GANAB: variants seen among roughly 807,000 people sequenced by gnomAD.
The protein encoded by GANAB is glucosidase II alpha subunit.
GANAB carries 35 observed loss-of-function variants against 129.9 expected under a neutral mutation model. That is an observed-to-expected ratio of 0.27 (90% CI 0.21 to 0.36). The LOEUF (loss-of-function observed/expected upper bound fraction) is 0.36, where lower values mean the gene tolerates loss of function less well. GANAB is among the 10% of genes least tolerant of loss of function. GANAB has a pLI of 1.00. For missense variants in GANAB, 939 were observed against 1,221.0 expected, an observed-to-expected ratio of 0.77 and a Z score of 3.44; for synonymous variants, 482 against 451.8, an observed-to-expected ratio of 1.07 and a Z score of -0.85.
chr11:62,633,258 T>C lies in GANAB; in HGVS notation c.644A>G (p.Gln215Arg). The C allele has an allele frequency of 6.2e-7, 1 of 1,613,410 alleles. No individual in the cohort carries two copies. Among genetic ancestry groups the C allele is most frequent in the Non-Finnish European group, 8.5e-7 (1 of 1,179,372 alleles). ...PRDGDKPEET[Q>R]GKAEKDEPGA... The stretch of plus-strand genomic sequence containing the variant: ...TGGCTCATCTTTCTCTGCCTTCCCC[T>C]GAGTCTCCTCTGGCTGTTAAGAAGA... The change falls in exon 7 of 24, where the codon CAG becomes CGG. Residue 215 changes from glutamine (Q) to arginine (R), a missense_variant. Around this residue, in one of 5 missense-constraint regions of GANAB, gnomAD observed 321 missense variants for 329.1 expected, o/e 0.98. Transcript: ENST00000356638.
intron 4 of GANAB, among the ~76,000 whole-genome samples, chr11:62,635,848 T>G (rs746619025): frequency 6.6e-6 from 1 of 151,836 alleles, no homozygotes; most frequent in African/African-American, 2.4e-5. Context: ...CAGGCTAATC[T>G]CAAACTCCTG....
intron 8 of GANAB, 70 bp downstream of exon 8, chr11:62,632,935 C>T: frequency 3.9e-6 from 4 of 1,023,120 alleles, no homozygotes; most frequent in South Asian, 2.5e-5. Context: ...CCAATATGCA[C>T]ACCCATCTCC....
At chr11:62,631,505 C>T (rs1183718119) in intron 9 of GANAB, among the ~76,000 whole-genome samples, 4 of 151,286 alleles carry the variant, frequency 2.6e-5, no homozygotes, top group Admixed American at 2.6e-4. Context: ...ACTCTTTTGC[C>T]AGGCTGGAGT....
At chr11:62,627,608 T>C (rs1322703170) in intron 17 of GANAB, among the ~76,000 whole-genome samples, 1 of 152,114 alleles carries the variant, frequency 6.6e-6, no homozygotes, top group African/African-American at 2.4e-5. Flanking sequence ...GGCAGGCACC[T>C]GTGATCCCAG....
chr11:62,634,927 T>A lies in GANAB; in HGVS notation c.454A>T (p.Thr152Ser). 3 of 1,613,706 alleles carry A rather than the reference T, an allele frequency of 1.9e-6. No homozygotes were observed. The highest frequency in any genetic ancestry group is 2.5e-6 in the Non-Finnish European group (3 of 1,179,580). The change falls in exon 5 of 24, where the codon ACA (threonine) becomes TCA (serine). Residue 152 changes from threonine (T) to serine (S), a missense_variant. Thr to Ser is a moderately conservative substitution (Grantham distance 58, BLOSUM62 1). Coordinates refer to ENST00000356638, the MANE Select transcript of GANAB (RefSeq NM_198334.3). ...MAEGPYKIIL[T>S]ARPFRLDLLE... ...AGGTCAAGGCGGAATGGCCGTGCTG[T>A]CAAGATGATCTTGTAGGGTCCCTCA...
At position 62,634,160 on chromosome 11, in the gene GANAB, G is replaced by GT. The variant is rs908698411; in HGVS notation, c.561-647dup. Reference sequence around the variant, plus strand: ...CTTCTTCTGGGGGCTCCCAGCCAGGGTAACAGGTAACAGGACCAGACATCA... The same window carrying GT: ...CTTCTTCTGGGGGCTCCCAGCCAGGGTTAACAGGTAACAGGACCAGACATCA... On this transcript the variant is annotated intron_variant, in intron 5 of 23. Coordinates refer to ENST00000356638, the MANE Select transcript of GANAB (RefSeq NM_198334.3). 5.0e-6 allele frequency: 3 copies of GT among 597,850 alleles called. No individual in the cohort carries two copies. In the African/African-American group the frequency reaches 5.6e-5, roughly 11 times the overall value. The allele number at this position is 597,850 out of a possible 1,614,324, so 37.0% of individuals were successfully genotyped here. A position where few individuals can be genotyped will look rare whatever the true frequency, so the allele number is the denominator to read the frequency against.
chr11:62,639,755 G>A (rs750765210), intron 1 of GANAB, 24 bp from the exon 2 acceptor site: 2 of 1,534,884 alleles, frequency 1.3e-6, no homozygotes, highest in Non-Finnish European at 1.8e-6. Flanking sequence ...GACAAAGACA[G>A]AGCAATCAGC....
At position 62,630,617 on chromosome 11, in the gene GANAB, G is replaced by C. The variant is rs982982459; in HGVS notation, c.1370C>G (p.Ala457Gly). 1.9e-6 allele frequency: 3 copies of C among 1,612,100 alleles called. No individual in the cohort carries two copies. Among genetic ancestry groups the C allele is most frequent in the African/African-American group, 2.7e-5 (2 of 74,894 alleles). Residue 457 changes from alanine (A) to glycine (G), a missense_variant, in exon 11 of 24, where the codon GCT (alanine) becomes GGT (glycine). Ala to Gly is a moderately conservative substitution (Grantham distance 60). Around this residue, in one of 5 missense-constraint regions of GANAB, gnomAD observed 220 missense variants for 295.9 expected, o/e 0.74. Transcript: ENST00000356638. ...ACCCCTTACCTTCCGCCTCTTAGAA[G>C]CCAAGCGCTCAAGCATGGTGCGGGG... ...PQPRTMLERLASKRRKLVAIV... is the reference protein window; with the variant it reads ...PQPRTMLERLGSKRRKLVAIV...
intron 1 of GANAB, among the ~76,000 whole-genome samples, chr11:62,642,491 GTGACA>G (rs1434152557): frequency 1.3e-5 from 2 of 151,442 alleles, no homozygotes; most frequent in Non-Finnish European, 2.9e-5. Flanking sequence ...TTGGAGTGCA[GTGACA>G]TGATCTCAGC....
chr11:62,630,494 G>T lies in GANAB; in HGVS notation c.1398C>A (p.Ile466=), dbSNP rs370275781. 6.2e-7 allele frequency: 1 copy of T among 1,614,020 alleles called. No homozygotes were observed. The highest frequency in any genetic ancestry group is 1.7e-5 in the Admixed American group (1 of 60,000). The change falls in exon 12 of 24, where the codon ATC becomes ATA. Residue 466 remains isoleucine (I), a synonymous_variant. Coordinates refer to ENST00000356638, the MANE Select transcript of GANAB (RefSeq NM_198334.3). ...LASKRRKLVA[I]VDPHIKVDSG... ...AGTCCACCTTGATGTGGGGGTCTAC[G>T]ATGGCCACCAGCTGGGGGCAAGGAA...
At position 62,629,568 on chromosome 11, in the gene GANAB, C is replaced by CT; in HGVS notation, c.1834+19dup. 1 of 1,534,828 alleles carries CT rather than the reference C, an allele frequency of 6.5e-7. No homozygotes were observed. The highest frequency in any genetic ancestry group is 8.9e-7 in the Non-Finnish European group (1 of 1,125,956). The stretch of plus-strand genomic sequence containing the variant: ...TGGCCTTCACACCCTTCTGCCACAG[C>CT]TCCATTCTCTAAACCTTACCAAAGC... On this transcript the variant is annotated intron_variant, in intron 15 of 23. Coordinates refer to ENST00000356638, the MANE Select transcript of GANAB (RefSeq NM_198334.3).
In GANAB at chr11:62,628,764, C is replaced by T; in HGVS notation, c.2180+5G>A. The T allele has an allele frequency of 1.2e-6, 2 of 1,612,488 alleles. No homozygotes were observed. Among genetic ancestry groups the T allele is most frequent in the Non-Finnish European group, 1.7e-6 (2 of 1,178,634 alleles). On this transcript the variant is annotated splice_donor_5th_base_variant and intron_variant, in intron 17 of 23. Transcript: ENST00000356638. ...CACTCTTCACAGCCCAAGTGAATGC[C>T]TCACCTCATGACAGGAATGCCTTCC... is the stretch of plus-strand genomic sequence containing the variant.
rs778905557 is a variant in GANAB at position 62,626,385 on chromosome 11, T to C, written c.2574A>G (p.Gln858=). 9 of 1,613,834 alleles carry C rather than the reference T, an allele frequency of 5.6e-6. No individual in the cohort carries two copies. The Middle Eastern group carries it at 4.9e-4, about 89-fold the overall frequency. ...ATGAGAATCGACGCAGCAGGAACTC[T>C]TGGCGAGTCTGATAGTTGAACGTGT... ...DGHTFNYQTR[Q]EFLLRRFSFS... Residue 858 remains glutamine (Q), a synonymous_variant, in exon 22 of 24, where the codon CAA becomes CAG. Coordinates refer to ENST00000356638, the MANE Select transcript of GANAB (RefSeq NM_198334.3).
chr11:62,639,561 C>T, intron 2 of GANAB, 66 bp downstream of exon 2: 2 of 1,438,774 alleles, frequency 1.4e-6, no homozygotes, highest in South Asian at 1.1e-5. Flanking sequence ...ACTCCATCTG[C>T]CACAGATATC....
chr11:62,634,237 TC>T lies in GANAB; in HGVS notation c.560+583del, dbSNP rs200200329. On this transcript the variant is annotated intron_variant, in intron 5 of 23. Transcript: ENST00000356638. ...AAAGGCTGGAAGGGTCTGGGGCACCTCCCCCCAAAGGCTAGAGTGAGGAATG... is the reference window on the plus strand; with the variant it reads ...AAAGGCTGGAAGGGTCTGGGGCACCTCCCCCAAAGGCTAGAGTGAGGAATG... 3,272 of 1,002,204 alleles carry T rather than the reference TC, an allele frequency of 3.3e-3. 66 individuals are homozygous for T. In the African/African-American group the frequency reaches 0.047, roughly 14 times the overall value. The allele number at this position is 1,002,204 out of a possible 1,614,324, so 62.1% of individuals were successfully genotyped here. A position where few individuals can be genotyped will look rare whatever the true frequency, so the allele number is the denominator to read the frequency against.
chr11:62,638,543 GA>G (rs1944052237), intron 4 of GANAB, among the ~76,000 whole-genome samples: 1 of 151,736 alleles, frequency 6.6e-6, no homozygotes, highest in African/African-American at 2.4e-5. Context: ...ACAAGAATCT[GA>G]GTAATCCTAT....
intron 16 of GANAB, 89 bp from the exon 17 acceptor site, chr11:62,629,101 C>T: frequency 6.4e-7 from 1 of 1,554,576 alleles, no homozygotes; most frequent in Admixed American, 1.7e-5. Context: ...AACTTGGACT[C>T]TCAACTCTCT....
chr11:62,633,787 G>T (rs768232050), intron 5 of GANAB: 9 of 536,072 alleles, frequency 1.7e-5, no homozygotes, highest in Non-Finnish European at 2.7e-5. Flanking sequence ...GAAGAGAAAG[G>T]CAGAATGATT....
chr11:62,646,494 A>G, intron 1 of GANAB, 68 bp downstream of exon 1: 1 of 1,535,432 alleles, frequency 6.5e-7, no homozygotes, highest in Admixed American at 1.7e-5. Flanking sequence ...ACACACAGGA[A>G]GGAGTGGAAT....
Sources: allele counts gnomAD v4.1 joint callset (sites outside exome capture counted in the v4.1 genomes callset), GRCh38; gene constraint gnomAD v4.1.1; regional missense constraint gnomAD v4.1.1; transcripts MANE v1.5; gene names NCBI Gene and HGNC (gene_info 2026-07-23, HGNC 2026-07-21).